Variants in LANCL3 observed in about 807,000 individuals in gnomAD.
The protein encoded by LANCL3 is lanC-like protein 3.
In LANCL3, 19 loss-of-function variants were observed where a neutral mutation model predicts 26.5. That is an observed-to-expected ratio of 0.72 (90% confidence interval 0.50 to 1.05). The LOEUF is 1.05. Among genes scored for constraint, LANCL3 ranks in the 50% least tolerant of loss-of-function variants. LANCL3 has a pLI of 0.00. For synonymous variants in LANCL3, 160 were observed against 166.6 expected, an observed-to-expected ratio of 0.96 and a Z score of 0.30; for missense variants, 318 against 362.7, an observed-to-expected ratio of 0.88 and a Z score of 1.00.
chrX:37,636,790 G>A (rs1490640326), intron 1 of LANCL3, among the ~76,000 whole-genome samples: 1 of 112,123 alleles, frequency 8.9e-6, no homozygotes, highest in African/African-American at 3.2e-5. Context: ...GGTGAAGACT[G>A]TTTGCACTTG....
chrX:37,650,123 G>A (rs1282082998), intron 1 of LANCL3, among the ~76,000 whole-genome samples: 2 of 108,735 alleles, frequency 1.8e-5, no homozygotes, highest in Non-Finnish European at 3.8e-5. Context: ...CCAACATGGT[G>A]AAACCCCGTC....
chrX:37,571,978 G>C lies in LANCL3; in HGVS notation c.108G>C (p.Glu36Asp), dbSNP rs781885096. The C allele has an allele frequency of 5.8e-6, 7 of 1,198,321 alleles. No homozygotes were observed. In the East Asian group the frequency reaches 9.0e-5, roughly 15 times the overall value. The change falls in exon 1 of 5, where the codon GAG becomes GAC. Residue 36 changes from glutamate (E) to aspartate (D), a missense_variant. Glu to Asp is a conservative substitution (Grantham distance 45). Coordinates refer to ENST00000378619, the MANE Select transcript of LANCL3 (RefSeq NM_001170331.2). ...AVAPLVTATI[E>D]RILQELPPLG... ...CGCCCTTGGTCACCGCCACCATCGA[G>C]CGCATCCTCCAGGAGCTTCCCCCAC...
chrX:37,589,498 T>C (rs1924210145), intron 1 of LANCL3, among the ~76,000 whole-genome samples: 1 of 111,133 alleles, frequency 9.0e-6, no homozygotes, highest in South Asian at 3.9e-4. Flanking sequence ...TGATTTTGAG[T>C]ATTGGTGGGC....
rs1209848271 is a variant in LANCL3 at position 37,681,273 on chromosome X, C to T, written c.*5460C>T. 1 of 112,555 alleles carries T rather than the reference C, an allele frequency of 8.9e-6. No individual in the cohort carries two copies. The highest frequency in any genetic ancestry group is 1.9e-5 in the Non-Finnish European group (1 of 53,293). The allele number at this position is 112,555 out of a possible 1,213,427, so 9.3% of individuals were successfully genotyped here. A position where few individuals can be genotyped will look rare whatever the true frequency, so the allele number is the denominator to read the frequency against. The stretch of plus-strand genomic sequence containing the variant: ...TTTCAATATGCAATCAATATAAAAA[C>T]ATGAATGAGCTATTTTACATTTTTG... On this transcript the variant is annotated 3_prime_UTR_variant, in exon 5 of 5. Transcript: ENST00000378619.
At chrX:37,623,778 A>G (rs782030131) in intron 1 of LANCL3, among the ~76,000 whole-genome samples, 1 of 112,150 alleles carries the variant, frequency 8.9e-6, no homozygotes, top group Non-Finnish European at 1.9e-5. Flanking sequence ...TCCAGTTCTC[A>G]TTCCCACAAG....
chrX:37,664,701 A>T (rs1293667632), intron 3 of LANCL3, among the ~76,000 whole-genome samples: 1 of 110,527 alleles, frequency 9.0e-6, no homozygotes, highest in East Asian at 2.8e-4. Flanking sequence ...TAGTTTTTCA[A>T]CCCTTACCCT....
chrX:37,596,315 T>G (rs1344510172), intron 1 of LANCL3, among the ~76,000 whole-genome samples: 1 of 112,135 alleles, frequency 8.9e-6, no homozygotes, highest in Non-Finnish European at 1.9e-5. Context: ...GAGAAAAATC[T>G]CCAATTCTTC....
intron 1 of LANCL3, among the ~76,000 whole-genome samples, chrX:37,637,906 C>T (rs1453040795): frequency 9.1e-6 from 1 of 110,446 alleles, no homozygotes. Context: ...GAGTGGATGC[C>T]ATTGTGTAAA....
chrX:37,597,689 T>C (rs2146723729), intron 1 of LANCL3, among the ~76,000 whole-genome samples: 1 of 93,599 alleles, frequency 1.1e-5, no homozygotes, highest in East Asian at 3.3e-4. Context: ...TTTTTTTTTT[T>C]TTTTTTTGTA....
chrX:37,644,652 C>A (rs1354417765), intron 1 of LANCL3, among the ~76,000 whole-genome samples: 1 of 112,335 alleles, frequency 8.9e-6, no homozygotes, highest in South Asian at 3.8e-4. Context: ...ATGACTCAGA[C>A]CAAAGGCATT....
At position 37,682,510 on chromosome X, in the gene LANCL3, T is replaced by C. The variant is rs1302909956; in HGVS notation, c.*6697T>C. The C allele has an allele frequency of 8.9e-6, 1 of 112,216 alleles. No homozygotes were observed. Among genetic ancestry groups the C allele is most frequent in the Non-Finnish European group, 1.9e-5 (1 of 53,273 alleles). 9.2% of individuals were successfully genotyped at this position (112,216 alleles called of 1,213,427 possible). A position where few individuals can be genotyped will look rare whatever the true frequency, so the allele number is the denominator to read the frequency against. On this transcript the variant is annotated 3_prime_UTR_variant, in exon 5 of 5. Transcript: ENST00000378619. ...TGTCAATCTTTAACAAGTGATCTTT[T>C]TGCAACTTGGTTTTAGTGGGGTCTC... is the stretch of plus-strand genomic sequence containing the variant.
intron 1 of LANCL3, among the ~76,000 whole-genome samples, chrX:37,580,695 T>C (rs1268249673): frequency 9.0e-6 from 1 of 111,131 alleles, no homozygotes; most frequent in Non-Finnish European, 1.9e-5. Context: ...ACTTCTCCCC[T>C]TTCCCTCCCC....
intron 1 of LANCL3, among the ~76,000 whole-genome samples, chrX:37,643,080 A>G (rs1556426105): frequency 8.9e-6 from 1 of 112,183 alleles, no homozygotes. Context: ...CAAAGCATTC[A>G]GCCTTAATAA....
At chrX:37,661,076 T>C (rs1264200011) in intron 3 of LANCL3, among the ~76,000 whole-genome samples, 5 of 111,460 alleles carry the variant, frequency 4.5e-5, no homozygotes, top group African/African-American at 1.6e-4. Flanking sequence ...TCCTTCCATT[T>C]CTCATTTATT....
intron 1 of LANCL3, among the ~76,000 whole-genome samples, chrX:37,646,520 A>G (rs1226028891): frequency 1.8e-5 from 2 of 112,927 alleles, no homozygotes; most frequent in African/African-American, 6.4e-5. Context: ...CCACTTGTGA[A>G]TATTGACTTT....
chrX:37,628,694 G>A, intron 1 of LANCL3, among the ~76,000 whole-genome samples: 1 of 100,746 alleles, frequency 9.9e-6, no homozygotes, highest in Middle Eastern at 5.4e-3. Context: ...GAGAACATGT[G>A]GTGTTTGGTT....
chrX:37,650,757 A>G (rs1277072012), intron 1 of LANCL3, among the ~76,000 whole-genome samples: 1 of 101,054 alleles, frequency 9.9e-6, no homozygotes, highest in Non-Finnish European at 2.0e-5. Context: ...TTATTATTAT[A>G]CTTTAAGTTC....
chrX:37,683,049 G>A lies in LANCL3; in HGVS notation c.*7236G>A, dbSNP rs1009854176. On this transcript the variant is annotated 3_prime_UTR_variant, in exon 5 of 5. Coordinates refer to ENST00000378619, the MANE Select transcript of LANCL3 (RefSeq NM_001170331.2). ...GAGCACTTTGCAAAGCCATATACTG[G>A]TGAATATATACTGGGTCAAGCACCA... is the stretch of plus-strand genomic sequence containing the variant. 1.8e-5 allele frequency: 2 copies of A among 111,684 alleles called. No homozygotes were observed. The highest frequency in any genetic ancestry group is 6.5e-5 in the African/African-American group (2 of 30,704). 9.2% of individuals were successfully genotyped at this position (111,684 alleles called of 1,213,427 possible).
chrX:37,640,560 T>C (rs1394159013), intron 1 of LANCL3, among the ~76,000 whole-genome samples: 1 of 111,994 alleles, frequency 8.9e-6, no homozygotes, highest in Admixed American at 9.5e-5. Flanking sequence ...CTCACTGATG[T>C]TCTCCTAGTA....
Sources: gnomAD v4.1 joint callset for allele counts (sites outside exome capture counted in the v4.1 genomes callset) on GRCh38, gnomAD v4.1.1 for gene constraint, MANE v1.5 for transcripts, NCBI Gene and HGNC (gene_info 2026-07-23, HGNC 2026-07-21) for gene names.